GBF1: variants seen among roughly 807,000 people sequenced by gnomAD.
GBF1 encodes golgi brefeldin A resistant guanine nucleotide exchange factor 1.
A neutral mutation model predicts 210.5 loss-of-function variants in GBF1; 114 were observed. The ratio of observed to expected loss-of-function variants is 0.54; its 90% CI spans 0.47 to 0.63. The LOEUF is 0.63. GBF1 is among the 30% of genes least tolerant of loss of function. The probability of loss-of-function intolerance (pLI) is 0.00; values close to 1 mark genes in which losing one functional copy is unlikely to be tolerated. For synonymous variants in GBF1, 850 were observed against 889.2 expected (o/e 0.96, Z 0.78); for missense variants, 1,851 against 2,357.7 (o/e 0.79, Z 4.45).
Position 102,369,916 on chromosome 10 carries a change from C to T in GBF1, c.3271C>T (p.Gln1091Ter). The T allele has an allele frequency of 1.9e-6, 3 of 1,614,016 alleles. No individual in the cohort carries two copies. Among genetic ancestry groups the T allele is most frequent in the Non-Finnish European group, 2.5e-6 (3 of 1,179,880 alleles). Residue 1091 changes from glutamine to a stop codon, truncating the protein, a stop_gained, in exon 26 of 40, where the codon CAG (glutamine) becomes TAG (stop). Transcript: ENST00000369983. LOFTEE classifies it high-confidence loss of function. The stretch of plus-strand genomic sequence containing the variant: ...CTGGCTAACACTGAGTGGTCCTGAG[C>T]AGTCTAGTGTTCGGGGCCCATCCAC... ...VSWLTLSGPE[Q>*]SSVRGPSTEN...
At chr10:102,380,830 A>C in intron 38 of GBF1, 144 bp downstream of exon 38, 1 of 754,650 alleles carries the variant, frequency 1.3e-6, no homozygotes, top group Non-Finnish European at 2.2e-6. Flanking sequence ...CAACATAGTG[A>C]AACCCCATGT....
At chr10:102,249,032 A>G (rs2071180904) in intron 1 of GBF1, among the ~76,000 whole-genome samples, 2 of 152,186 alleles carry the variant, frequency 1.3e-5, no homozygotes, top group Admixed American at 1.3e-4. Flanking sequence ...ATTTTTCAGG[A>G]GAAACTGGAA....
At chr10:102,362,368 T>C in intron 14 of GBF1, 107 bp from the exon 15 acceptor site, 1 of 826,776 alleles carries the variant, frequency 1.2e-6, no homozygotes, top group Non-Finnish European at 2.0e-6. Context: ...AAAGACGTTT[T>C]CTAAGGGCAA....
chr10:102,266,192 T>A (rs1398503037), intron 3 of GBF1, among the ~76,000 whole-genome samples: 1 of 151,896 alleles, frequency 6.6e-6, no homozygotes, highest in Non-Finnish European at 1.5e-5. Flanking sequence ...TGAGCCGAGA[T>A]CGTGCCACTG....
At chr10:102,239,915 C>T in the GBF1 span, among the ~76,000 whole-genome samples, 1 of 152,234 alleles carries the variant, frequency 6.6e-6, no homozygotes, top group East Asian at 1.9e-4. Context: ...CCCAACCAGA[C>T]TGAGAGGGCC....
chr10:102,293,769 G>GTTTTTTTTTTTTTTTTTT (rs2076658017), intron 3 of GBF1, among the ~76,000 whole-genome samples: 1 of 27,770 alleles, frequency 3.6e-5, no homozygotes, highest in Non-Finnish European at 6.2e-5. Context: ...AGTATGTTTT[G>GTTTTTTTTTTTTTTTTTT]TGTTTTTTTT....
the GBF1 span, chr10:102,231,731 T>G: frequency 6.2e-7 from 1 of 1,610,602 alleles, no homozygotes; most frequent in East Asian, 2.2e-5. Flanking sequence ...CGCTGCTTCT[T>G]TTTCAGCGAA....
At chr10:102,244,842 T>C (rs1352151355), upstream of GBF1, among the ~76,000 whole-genome samples, 3 of 152,202 alleles carry the variant, frequency 2.0e-5, no homozygotes, top group African/African-American at 7.2e-5. Context: ...CTGTTTCCTA[T>C]AATGTAAAAT....
At chr10:102,231,365 G>C in the GBF1 span, among the ~76,000 whole-genome samples, 1 of 152,186 alleles carries the variant, frequency 6.6e-6, no homozygotes, top group Non-Finnish European at 1.5e-5. Context: ...AAGGAGAGAC[G>C]GTGTCAGGGC....
chr10:102,264,634 T>C (rs1459764100), intron 3 of GBF1, among the ~76,000 whole-genome samples: 1 of 152,248 alleles, frequency 6.6e-6, no homozygotes, highest in Non-Finnish European at 1.5e-5. Flanking sequence ...GTCAATATTA[T>C]CCTTCTCCCC....
chr10:102,380,609 G>C lies in GBF1; in HGVS notation c.5096G>C (p.Trp1699Ser). Reference protein sequence around the residue: ...DARGGGPSALWEITWERIDCF... With the variant: ...DARGGGPSALSEITWERIDCF... ...CGGGGAGGCGGCCCCTCGGCCCTCT[G>C]GGAGATCACCTGGGAACGCATTGAC... is the stretch of plus-strand genomic sequence containing the variant. The change falls in exon 38 of 40, where the codon TGG becomes TCG. Residue 1699 changes from tryptophan (W) to serine (S), a missense_variant. Transcript: ENST00000369983. 6.2e-7 allele frequency: 1 copy of C among 1,614,064 alleles called. No homozygotes were observed. Among genetic ancestry groups the C allele is most frequent in the Non-Finnish European group, 8.5e-7 (1 of 1,179,964 alleles).
At chr10:102,269,790 G>T (rs2133264754) in intron 3 of GBF1, among the ~76,000 whole-genome samples, 1 of 152,212 alleles carries the variant, frequency 6.6e-6, no homozygotes, top group South Asian at 2.1e-4. Context: ...TATTACAACT[G>T]CCCTGGGCTA....
chr10:102,308,201 T>TAAAAAAA (rs11440668), intron 3 of GBF1, among the ~76,000 whole-genome samples: 3 of 123,442 alleles, frequency 2.4e-5, no homozygotes, highest in Non-Finnish European at 5.0e-5. Flanking sequence ...TCACAGAAGC[T>TAAAAAAA]AAAAAAAAAA....
At chr10:102,239,906 C>T in the GBF1 span, among the ~76,000 whole-genome samples, 1 of 152,332 alleles carries the variant, frequency 6.6e-6, no homozygotes, top group East Asian at 1.9e-4. Context: ...GATATCCTTC[C>T]CAACCAGACT....
chr10:102,347,119 A>G (rs1012371781), intron 4 of GBF1, among the ~76,000 whole-genome samples: 2 of 152,212 alleles, frequency 1.3e-5, no homozygotes, highest in African/African-American at 4.8e-5. Context: ...GATGAAGAAT[A>G]TAGAAAACAG....
At chr10:102,370,909 G>A (rs1372448960) in intron 29 of GBF1, 49 bp downstream of exon 29, 8 of 1,550,636 alleles carry the variant, frequency 5.2e-6, no homozygotes, top group African/African-American at 1.4e-5. Context: ...AGGGATTAAG[G>A]CCACAGTTGT....
At chr10:102,288,327 TATATAATG>T (rs56344241) in intron 3 of GBF1, among the ~76,000 whole-genome samples, 49,236 of 151,598 alleles carry the variant, frequency 0.32, 8,574 homozygotes, top group South Asian at 0.48. Flanking sequence ...CAGACTGAGA[TATATAATG>T]ATATAATGAT....
Position 102,363,215 on chromosome 10 carries a change from A to G in GBF1, c.1877-41A>G, listed in dbSNP as rs746718523. On this transcript the variant is annotated intron_variant, in intron 15 of 39. Coordinates refer to ENST00000369983, the MANE Select transcript of GBF1 (RefSeq NM_001377137.1). The surrounding 1 kb of genome is among the most constrained non-coding windows in gnomAD (Gnocchi z 4.2). ...CTATCCTGCAGCTCTGCTTGGCTTC[A>G]TACCCTATAAGTCTTCACGTATCTT... 25 of 1,566,160 alleles carry G rather than the reference A, an allele frequency of 1.6e-5. 1 individual carries two copies. The South Asian group carries it at 2.9e-4, about 18-fold the overall frequency.
chr10:102,336,339 A>AC (rs1343288639), intron 3 of GBF1, among the ~76,000 whole-genome samples: 1 of 151,538 alleles, frequency 6.6e-6, no homozygotes, highest in African/African-American at 2.4e-5. Context: ...AAAGAAATGA[A>AC]CTGGTATACA....
Sources: gnomAD v4.1 joint callset for allele counts (sites outside exome capture counted in the v4.1 genomes callset) on GRCh38, gnomAD v4.1.1 for gene constraint, Gnocchi (gnomAD v3.1) non-coding constraint, MANE v1.5 for transcripts, NCBI Gene and HGNC (gene_info 2026-07-23, HGNC 2026-07-21) for gene names.